The following KLHL29 variants were observed in gnomAD, a reference collection of about 807,000 sequenced individuals.
The protein encoded by KLHL29 is kelch like family member 29.
In KLHL29, 21 loss-of-function variants were observed where a neutral mutation model predicts 80.4. The observed-to-expected ratio is 0.26, with a 90% CI of 0.19 to 0.38. KLHL29 has a LOEUF of 0.38. Among genes scored for constraint, KLHL29 ranks in the 10% least tolerant of loss-of-function variants. KLHL29 has a pLI of 1.00. For missense variants in KLHL29, 867 were observed against 1,223.9 expected (o/e 0.71, Z 4.35); for synonymous variants, 511 against 526.8 (o/e 0.97, Z 0.41).
At chr2:23,514,959 A>G (rs1373934653) in intron 2 of KLHL29, among the ~76,000 whole-genome samples, 20 of 152,160 alleles carry the variant, frequency 1.3e-4, no homozygotes, top group Admixed American at 1.2e-3. Context: ...TAATCTCAGT[A>G]GAATTTCACC....
intron 3 of KLHL29, among the ~76,000 whole-genome samples, chr2:23,608,819 C>A (rs1668789952): frequency 6.6e-6 from 1 of 152,096 alleles, no homozygotes; most frequent in South Asian, 2.1e-4. Flanking sequence ...TTGTTTTTTT[C>A]TACGAATACT....
intron 1 of KLHL29, among the ~76,000 whole-genome samples, chr2:23,470,071 CTT>C (rs1207473093): frequency 6.6e-6 from 1 of 151,726 alleles, no homozygotes; most frequent in African/African-American, 2.4e-5. Context: ...TTCCTGAAAC[CTT>C]TCATGCTGGG....
chr2:23,624,506 A>G (rs190437625), intron 3 of KLHL29, among the ~76,000 whole-genome samples: 4 of 152,304 alleles, frequency 2.6e-5, no homozygotes, highest in Non-Finnish European at 5.9e-5. Flanking sequence ...ATCTGTATCT[A>G]TGAGCCTGGT....
At chr2:23,613,778 A>AAAAAAAAC (rs1162549042) in intron 3 of KLHL29, among the ~76,000 whole-genome samples, 1 of 149,872 alleles carries the variant, frequency 6.7e-6, no homozygotes, top group Non-Finnish European at 1.5e-5. Context: ...AAAAAAAAAA[A>AAAAAAAAC]AAAAAAAAAA....
At chr2:23,394,506 A>G (rs4574070) in intron 1 of KLHL29, among the ~76,000 whole-genome samples, 40,112 of 152,116 alleles carry the variant, frequency 0.26, 6,583 homozygotes, top group South Asian at 0.37. Flanking sequence ...ATCAACAAAC[A>G]TGGGTGCCAG....
intron 5 of KLHL29, among the ~76,000 whole-genome samples, chr2:23,670,664 T>C (rs1243914613): frequency 6.6e-6 from 1 of 152,146 alleles, no homozygotes; most frequent in East Asian, 1.9e-4. Flanking sequence ...CCTCTAATGA[T>C]GTGGAGATTA....
intron 1 of KLHL29, among the ~76,000 whole-genome samples, chr2:23,467,536 G>A (rs930458850): frequency 5.3e-5 from 8 of 152,140 alleles, no homozygotes; most frequent in Non-Finnish European, 1.2e-4. Context: ...TTCTGAGAGT[G>A]TAGAAAACAG....
chr2:23,652,960 G>C (rs1270162382), intron 5 of KLHL29, among the ~76,000 whole-genome samples: 1 of 152,082 alleles, frequency 6.6e-6, no homozygotes, highest in Non-Finnish European at 1.5e-5. Flanking sequence ...CGAACTTTCT[G>C]AATTTTTAAA....
rs1040757675 is a variant in KLHL29 at position 23,681,700 on chromosome 2, A to G, written c.941-2699A>G. Reference sequence around the variant, plus strand: ...GGTGCTGGCCCAGGGTCACACACCAATTAGTGGCAGTGCTGGAACAAGAAC... The same window carrying G: ...GGTGCTGGCCCAGGGTCACACACCAGTTAGTGGCAGTGCTGGAACAAGAAC... On this transcript the variant is annotated intron_variant, in intron 5 of 13. Transcript: ENST00000486442. This position sits in a 1 kb window ranked among gnomAD's most constrained non-coding sequence, Gnocchi z 4.2. Among the ~76,000 whole-genome samples the G allele has an allele frequency of 2.0e-5, 3 of 152,152 alleles. No individual in the cohort carries two copies. The highest frequency in any genetic ancestry group is 7.2e-5 in the African/African-American group (3 of 41,430).
intron 2 of KLHL29, among the ~76,000 whole-genome samples, chr2:23,489,425 C>G (rs1665032567): frequency 6.6e-6 from 1 of 152,120 alleles, no homozygotes; most frequent in African/African-American, 2.4e-5. Flanking sequence ...ACCTGAATCT[C>G]CCTTGCTGCA....
At chr2:23,560,903 A>C (rs553384694) in intron 2 of KLHL29, among the ~76,000 whole-genome samples, 1 of 152,354 alleles carries the variant, frequency 6.6e-6, no homozygotes, top group Admixed American at 6.5e-5. Context: ...TTATAGATAG[A>C]TATTTTTAAA....
intron 5 of KLHL29, among the ~76,000 whole-genome samples, chr2:23,653,093 G>A (rs538581207): frequency 2.6e-5 from 4 of 152,266 alleles, no homozygotes; most frequent in Admixed American, 6.5e-5. Context: ...ATTTACTCCC[G>A]AGCAGCAACC....
At chr2:23,571,381 C>A (rs1287604378) in intron 3 of KLHL29, among the ~76,000 whole-genome samples, 1 of 152,212 alleles carries the variant, frequency 6.6e-6, no homozygotes, top group Non-Finnish European at 1.5e-5. Flanking sequence ...GGCATTGCTG[C>A]CCATTTGCCC....
chr2:23,400,852 G>A (rs1241993998), intron 1 of KLHL29, among the ~76,000 whole-genome samples: 1 of 152,148 alleles, frequency 6.6e-6, no homozygotes, highest in African/African-American at 2.4e-5. Flanking sequence ...ATGGGAGGGG[G>A]AAAGCTACAC....
intron 5 of KLHL29, among the ~76,000 whole-genome samples, chr2:23,654,217 G>T (rs549487376): frequency 1.3e-5 from 2 of 151,960 alleles, no homozygotes; most frequent in Non-Finnish European, 2.9e-5. Flanking sequence ...CTTCCTGGGA[G>T]CCTGAACACC....
intron 2 of KLHL29, among the ~76,000 whole-genome samples, chr2:23,478,823 C>G (rs551798396): frequency 1.9e-4 from 29 of 152,198 alleles, no homozygotes; most frequent in Admixed American, 4.6e-4. Context: ...CCCTAGATGC[C>G]GCCTGTGTCT....
chr2:23,676,899 C>A (rs926387869), intron 5 of KLHL29, among the ~76,000 whole-genome samples: 2 of 151,874 alleles, frequency 1.3e-5, no homozygotes, highest in African/African-American at 2.4e-5. Context: ...TCTGGTGGAC[C>A]CTAGGTGAAG....
intron 2 of KLHL29, among the ~76,000 whole-genome samples, chr2:23,522,659 G>A (rs1666140594): frequency 6.6e-6 from 1 of 152,164 alleles, no homozygotes; most frequent in South Asian, 2.1e-4. Context: ...AAGTAGGCTG[G>A]TAGCCTTGAG....
rs1671104985 is a variant in KLHL29 at position 23,682,213 on chromosome 2, C to T, written c.941-2186C>T. ...GTAATTCCGGCCTTCTCACCTCTCC[C>T]TCGGAAAGACCGTCACCATCAGCAG... is the stretch of plus-strand genomic sequence containing the variant. On this transcript the variant is annotated intron_variant, in intron 5 of 13. Transcript: ENST00000486442. This position sits in a 1 kb window ranked among gnomAD's most constrained non-coding sequence, Gnocchi z 4.1. Among the ~76,000 whole-genome samples the T allele has an allele frequency of 6.6e-6, 1 of 152,208 alleles. No individual in the cohort carries two copies.
Sources: gnomAD v4.1 joint callset for allele counts (sites outside exome capture counted in the v4.1 genomes callset) on GRCh38, gnomAD v4.1.1 for gene constraint, Gnocchi (gnomAD v3.1) non-coding constraint, MANE v1.5 for transcripts, NCBI Gene and HGNC (gene_info 2026-07-23, HGNC 2026-07-21) for gene names.